The following KLHDC4 variants were observed in gnomAD, a reference collection of about 807,000 sequenced individuals.
KLHDC4 encodes the protein kelch domain containing 4, also known as kelch domain-containing protein 4.
A neutral mutation model predicts 62.4 loss-of-function variants in KLHDC4; 90 were observed. The ratio of observed to expected loss-of-function variants is 1.44; its 90% CI spans 1.22 to 1.72. The LOEUF (loss-of-function observed/expected upper bound fraction) is 1.72. KLHDC4 is among the 40% of genes most tolerant of loss of function. The pLI, the probability that KLHDC4 is intolerant of heterozygous loss-of-function variation, is 0.00. For missense variants in KLHDC4, 1,025 were observed against 699.7 expected (o/e 1.47, Z -5.25); for synonymous variants, 386 against 284.4 (o/e 1.36, Z -3.59).
chr16:87,722,941 T>G (rs759241565), intron 7 of KLHDC4, among the ~76,000 whole-genome samples: 1 of 152,142 alleles, frequency 6.6e-6, no homozygotes, highest in Non-Finnish European at 1.5e-5. Flanking sequence ...CCTGGGAGCA[T>G]GGACGGGGCC....
At chr16:87,727,808 C>T (rs1424831513) in intron 6 of KLHDC4, among the ~76,000 whole-genome samples, 4 of 152,126 alleles carry the variant, frequency 2.6e-5, no homozygotes, top group Admixed American at 2.0e-4. Context: ...CTCAAGTGCC[C>T]GGTTTTCTCC....
chr16:87,723,747 G>T (rs1034235159), intron 7 of KLHDC4, among the ~76,000 whole-genome samples: 1 of 152,278 alleles, frequency 6.6e-6, no homozygotes, highest in Non-Finnish European at 1.5e-5. Context: ...GAATGAACGT[G>T]GATCAGAATG....
chr16:87,756,242 G>T, intron 3 of KLHDC4, 157 bp downstream of exon 3: 1 of 573,684 alleles, frequency 1.7e-6, no homozygotes, highest in Non-Finnish European at 3.2e-6. Flanking sequence ...AGGGCCTGGA[G>T]CATCCTGGCG....
At chr16:87,732,502 G>A (rs1043027652) in intron 5 of KLHDC4, among the ~76,000 whole-genome samples, 14 of 151,762 alleles carry the variant, frequency 9.2e-5, no homozygotes, top group Non-Finnish European at 1.9e-4. Flanking sequence ...AAAAATACAT[G>A]GCAATAAAAA....
In KLHDC4 at chr16:87,715,692, G is replaced by C. The variant is rs144449681; in HGVS notation, c.760-1119C>G. ...TCATTAGGACGATCCCCGGGGTGAAGTGCCCATCTCATCACATCCCATCAA... is the reference window on the plus strand; with the variant it reads ...TCATTAGGACGATCCCCGGGGTGAACTGCCCATCTCATCACATCCCATCAA... On this transcript the variant is annotated intron_variant, in intron 7 of 11. Transcript: ENST00000270583. Among the ~76,000 whole-genome samples, 67 of 152,270 alleles carry C rather than the reference G, an allele frequency of 4.4e-4. 2 individuals carry two copies. In the East Asian group the frequency reaches 0.012, roughly 26 times the overall value.
chr16:87,706,880 G>A (rs2034800084), downstream of KLHDC4, among the ~76,000 whole-genome samples: 2 of 152,222 alleles, frequency 1.3e-5, no homozygotes, highest in African/African-American at 2.4e-5. Flanking sequence ...GAGCGGGGAG[G>A]TGCTCACAGG....
chr16:87,734,386 C>T (rs571000799), intron 5 of KLHDC4, among the ~76,000 whole-genome samples: 11 of 152,116 alleles, frequency 7.2e-5, no homozygotes, highest in Admixed American at 4.6e-4. Context: ...GAATCTCAAA[C>T]GTAAAAGGAA....
intron 5 of KLHDC4, among the ~76,000 whole-genome samples, chr16:87,746,370 AG>A (rs2043038149): frequency 6.6e-6 from 1 of 151,974 alleles, no homozygotes; most frequent in Non-Finnish European, 1.5e-5. Context: ...AGAGAGAGAG[AG>A]CGAGAAAGAG....
chr16:87,751,755 A>G (rs960181813), intron 4 of KLHDC4, among the ~76,000 whole-genome samples: 6 of 151,984 alleles, frequency 3.9e-5, no homozygotes, highest in Non-Finnish European at 4.4e-5. Flanking sequence ...CTATTTCTAA[A>G]ATATAAAAAA....
At chr16:87,729,634 G>A (rs1000987556) in intron 6 of KLHDC4, among the ~76,000 whole-genome samples, 1 of 152,352 alleles carries the variant, frequency 6.6e-6, no homozygotes, top group South Asian at 2.1e-4. Context: ...GAGAGAGCCC[G>A]CAGCTCACCC....
intron 7 of KLHDC4, among the ~76,000 whole-genome samples, chr16:87,722,287 T>C (rs896222763): frequency 1.3e-5 from 2 of 151,644 alleles, no homozygotes; most frequent in Non-Finnish European, 2.9e-5. Flanking sequence ...GCCTGGAGGG[T>C]GTTTAAAGTC....
chr16:87,750,696 G>T (rs1450334652), intron 4 of KLHDC4, among the ~76,000 whole-genome samples: 1 of 152,206 alleles, frequency 6.6e-6, no homozygotes, highest in African/African-American at 2.4e-5. Flanking sequence ...CTGAGTCGGT[G>T]TTCCGCCCGC....
intron 5 of KLHDC4, among the ~76,000 whole-genome samples, chr16:87,736,044 C>A (rs2041252959): frequency 6.6e-6 from 1 of 152,258 alleles, no homozygotes; most frequent in African/African-American, 2.4e-5. Flanking sequence ...AATTATACAA[C>A]ATACAGTCAC....
intron 2 of KLHDC4, among the ~76,000 whole-genome samples, chr16:87,759,628 C>T (rs1452048030): frequency 6.6e-6 from 1 of 151,094 alleles, no homozygotes; most frequent in Non-Finnish European, 1.5e-5. Context: ...TGCCTATTGT[C>T]CCAGCTACTC....
exon 1 of KLHDC4, chr16:87,698,748 C>A (rs1287486771): frequency 6.6e-6 from 1 of 152,168 alleles, no homozygotes; most frequent in Admixed American, 6.5e-5. Flanking sequence ...AGGCTGCTTC[C>A]CGCCTGTCCG....
intron 7 of KLHDC4, 133 bp from the exon 8 acceptor site, chr16:87,714,706 A>T (rs947144755): frequency 1.1e-6 from 1 of 930,420 alleles, no homozygotes; most frequent in African/African-American, 1.6e-5. Context: ...AAAGCTCCAA[A>T]GCGTGCCTGC....
At chr16:87,716,082 A>G (rs1388457665) in intron 7 of KLHDC4, among the ~76,000 whole-genome samples, 2 of 152,118 alleles carry the variant, frequency 1.3e-5, no homozygotes, top group Admixed American at 6.5e-5. Flanking sequence ...GGTACGCTCT[A>G]TGTCTCGTGG....
At chr16:87,760,386 T>A (rs928738697) in intron 2 of KLHDC4, among the ~76,000 whole-genome samples, 1 of 150,918 alleles carries the variant, frequency 6.6e-6, no homozygotes, top group South Asian at 2.1e-4. Context: ...GGCGGGCGGA[T>A]CACGAGGTCA....
At chr16:87,751,458 A>C (rs2043923568) in intron 4 of KLHDC4, among the ~76,000 whole-genome samples, 1 of 150,202 alleles carries the variant, frequency 6.7e-6, no homozygotes, top group Non-Finnish European at 1.5e-5. Context: ...CGGGCAACAG[A>C]GCAAGACTTC....
Sources: allele counts gnomAD v4.1 joint callset (sites outside exome capture counted in the v4.1 genomes callset), GRCh38; gene constraint gnomAD v4.1.1; transcripts MANE v1.5; gene names NCBI Gene and HGNC (gene_info 2026-07-23, HGNC 2026-07-21).